Variants in CFAP61 observed in about 807,000 individuals in gnomAD.
CFAP61 encodes the protein cilia- and flagella-associated protein 61.
CFAP61 carries 107 observed loss-of-function variants against 135.6 expected under a neutral mutation model. That is an observed-to-expected ratio of 0.79 (90% confidence interval 0.67 to 0.93). The LOEUF is 0.93. Ranked by LOEUF, CFAP61 falls within the 40% of genes least tolerant of loss-of-function variation. The pLI is 0.00. For missense variants in CFAP61, 1,507 were observed against 1,556.2 expected (o/e 0.97, Z 0.53); for synonymous variants, 575 against 578.5 (o/e 0.99, Z 0.09).
intron 26 of CFAP61, among the ~76,000 whole-genome samples, chr20:20,348,161 A>G (rs995282222): frequency 7.2e-5 from 11 of 152,190 alleles, no homozygotes; most frequent in African/African-American, 2.7e-4. Context: ...GAACTATTCA[A>G]TGAGATCAGC....
chr20:20,213,097 A>G (rs1416685911), intron 17 of CFAP61, among the ~76,000 whole-genome samples: 1 of 152,182 alleles, frequency 6.6e-6, no homozygotes, highest in Non-Finnish European at 1.5e-5. Flanking sequence ...CATGTGGGCC[A>G]CAAGGAAGCA....
At chr20:20,168,282 C>T (rs1039921511) in intron 12 of CFAP61, among the ~76,000 whole-genome samples, 1 of 152,174 alleles carries the variant, frequency 6.6e-6, no homozygotes, top group Non-Finnish European at 1.5e-5. Context: ...AGGCTGGGCT[C>T]GAACTCCTGG....
chr20:20,237,458 G>A (rs1484013118), intron 18 of CFAP61, among the ~76,000 whole-genome samples: 2 of 152,180 alleles, frequency 1.3e-5, no homozygotes, highest in Non-Finnish European at 2.9e-5. Flanking sequence ...GAGAGAGCTT[G>A]TAACCTCTGT....
Position 20,360,606 on chromosome 20 carries a change from C to T in CFAP61, c.*196C>T. 1.7e-6 allele frequency: 1 copy of T among 592,164 alleles called. No homozygotes were observed. Among genetic ancestry groups the T allele is most frequent in the Non-Finnish European group, 3.0e-6 (1 of 336,034 alleles). 36.7% of individuals were successfully genotyped at this position (592,164 alleles called of 1,614,324 possible). ...GTAGGTGGCACACGGCCGTGTGCCT[C>T]TCTTCTGGGGCAGGCTCGCTTTACA... is the stretch of plus-strand genomic sequence containing the variant. On this transcript the variant is annotated 3_prime_UTR_variant, in exon 27 of 27. Coordinates refer to ENST00000245957, the MANE Select transcript of CFAP61 (RefSeq NM_015585.4).
intron 16 of CFAP61, among the ~76,000 whole-genome samples, chr20:20,197,715 GT>G (rs11087315): frequency 0.36 from 55,033 of 151,770 alleles, 10,359 homozygotes; most frequent in East Asian, 0.58. Context: ...ATTCCCAAGG[GT>G]TTTTTTTCCT....
chr20:20,325,953 G>A (rs6136996), intron 25 of CFAP61, among the ~76,000 whole-genome samples: 30,865 of 151,816 alleles, frequency 0.2, 4,169 homozygotes, highest in African/African-American at 0.37. Flanking sequence ...TTACCATATT[G>A]ACCATTTTGG....
intron 17 of CFAP61, among the ~76,000 whole-genome samples, chr20:20,227,592 A>C (rs2048833359): frequency 6.6e-6 from 1 of 152,240 alleles, no homozygotes; most frequent in Non-Finnish European, 1.5e-5. Context: ...ATTTTTGTAA[A>C]CATGGACATT....
At chr20:20,067,585 T>C (rs1337223640) in intron 2 of CFAP61, among the ~76,000 whole-genome samples, 3 of 149,404 alleles carry the variant, frequency 2.0e-5, no homozygotes, top group Non-Finnish European at 4.4e-5. Flanking sequence ...GAGGTTGCAG[T>C]GAGCTGAGAT....
At chr20:20,298,083 C>G (rs1411865464) in intron 24 of CFAP61, 98 bp from the exon 25 acceptor site, 24 of 794,466 alleles carry the variant, frequency 3.0e-5, no homozygotes, top group Non-Finnish European at 5.1e-5. Context: ...TAAGATATAA[C>G]CTGTCTGTTA....
At chr20:20,228,489 C>T in intron 18 of CFAP61, 113 bp downstream of exon 18, 3 of 841,304 alleles carry the variant, frequency 3.6e-6, no homozygotes, top group Admixed American at 4.1e-5. Context: ...GTACTCCACA[C>T]ACCCTGCCTA....
At chr20:20,113,840 A>G (rs1206319103) in intron 8 of CFAP61, among the ~76,000 whole-genome samples, 1 of 152,080 alleles carries the variant, frequency 6.6e-6, no homozygotes, top group East Asian at 1.9e-4. Flanking sequence ...TCAACAATAC[A>G]CTGTCTTAAT....
chr20:20,162,021 G>C (rs981062051), intron 10 of CFAP61, among the ~76,000 whole-genome samples: 4 of 152,162 alleles, frequency 2.6e-5, no homozygotes, highest in Non-Finnish European at 5.9e-5. Context: ...TGAGTGTGCT[G>C]AGCTTCAGGT....
intron 3 of CFAP61, 148 bp from the exon 4 acceptor site, chr20:20,074,154 G>T (rs1454301115): frequency 6.0e-6 from 4 of 666,876 alleles, no homozygotes; most frequent in African/African-American, 5.3e-5. Flanking sequence ...ATGCCGCCTG[G>T]GTGTTGCATC....
chr20:20,304,965 C>T (rs951660020), intron 25 of CFAP61, among the ~76,000 whole-genome samples: 2 of 152,180 alleles, frequency 1.3e-5, no homozygotes, highest in African/African-American at 4.8e-5. Flanking sequence ...GTCTGTGCAT[C>T]CTTTATCCTC....
intron 9 of CFAP61, among the ~76,000 whole-genome samples, chr20:20,152,519 G>A (rs1359021756): frequency 1.3e-5 from 2 of 152,056 alleles, no homozygotes; most frequent in African/African-American, 4.8e-5. Flanking sequence ...GCAGTCAATG[G>A]GTGGAAAAAG....
chr20:20,335,844 C>T (rs1163249018), intron 25 of CFAP61, among the ~76,000 whole-genome samples: 2 of 152,126 alleles, frequency 1.3e-5, no homozygotes, highest in East Asian at 1.9e-4. Context: ...TAGAAAGACT[C>T]GGGAAAAAGC....
At chr20:20,112,767 A>G (rs2048884624) in intron 8 of CFAP61, among the ~76,000 whole-genome samples, 1 of 152,180 alleles carries the variant, frequency 6.6e-6, no homozygotes. Flanking sequence ...TGGGCTGTTC[A>G]TCACTTCACA....
chr20:20,317,155 T>G (rs1184894516), intron 25 of CFAP61, among the ~76,000 whole-genome samples: 3 of 152,058 alleles, frequency 2.0e-5, no homozygotes, highest in South Asian at 2.1e-4. Flanking sequence ...ATTACAGGCA[T>G]GAGCCACTGT....
intron 13 of CFAP61, among the ~76,000 whole-genome samples, chr20:20,173,033 G>T (rs1569061993): frequency 6.6e-6 from 1 of 151,982 alleles, no homozygotes. Context: ...TTGGAATCCT[G>T]TTAGTAGCCT....
Sources: gnomAD v4.1 joint callset for allele counts (sites outside exome capture counted in the v4.1 genomes callset) on GRCh38, gnomAD v4.1.1 for gene constraint, MANE v1.5 for transcripts, NCBI Gene and HGNC (gene_info 2026-07-23, HGNC 2026-07-21) for gene names.